GREB1: variants seen among roughly 807,000 people sequenced by gnomAD.
GREB1 encodes the protein protein GREB1.
GREB1 carries 106 observed loss-of-function variants against 200.7 expected under a neutral mutation model. The ratio of observed to expected loss-of-function variants is 0.53; its 90% CI spans 0.45 to 0.62. The LOEUF (loss-of-function observed/expected upper bound fraction) is 0.62, where lower values mean the gene tolerates loss of function less well. Among genes scored for constraint, GREB1 ranks in the 20% least tolerant of loss-of-function variants. The pLI, the probability that GREB1 is intolerant of heterozygous loss-of-function variation, is 0.00. For missense variants in GREB1, 2,243 were observed against 2,556.8 expected (o/e 0.88, Z 2.65); for synonymous variants, 1,132 against 1,092.4 (o/e 1.04, Z -0.72).
At chr2:11,555,362 G>C (rs547908740) in intron 1 of GREB1, among the ~76,000 whole-genome samples, 1 of 152,274 alleles carries the variant, frequency 6.6e-6, no homozygotes, top group South Asian at 2.1e-4. Flanking sequence ...CTCAATGGAA[G>C]CAGCCATTAA....
chr2:11,575,617 G>A (rs1352870563), intron 4 of GREB1, among the ~76,000 whole-genome samples: 1 of 152,138 alleles, frequency 6.6e-6, no homozygotes, highest in East Asian at 1.9e-4. Context: ...GCTAAGCCAC[G>A]GAATTCACTC....
chr2:11,578,531 A>G, intron 6 of GREB1, 100 bp downstream of exon 6: 1 of 1,244,756 alleles, frequency 8.0e-7, no homozygotes, highest in South Asian at 1.5e-5. Flanking sequence ...TTCAAAATAA[A>G]TCAGGGGGCT....
At chr2:11,575,310 A>G (rs1366884097) in intron 4 of GREB1, among the ~76,000 whole-genome samples, 1 of 152,274 alleles carries the variant, frequency 6.6e-6, no homozygotes, top group Non-Finnish European at 1.5e-5. Context: ...CGTTTAAATA[A>G]GAGCAGTCAG....
At chr2:11,540,918 G>A (rs746066311) in intron 1 of GREB1, among the ~76,000 whole-genome samples, 42 of 152,238 alleles carry the variant, frequency 2.8e-4, no homozygotes, top group Non-Finnish European at 5.0e-4. Flanking sequence ...ACGCAGTCCG[G>A]AGAGTGTTGC....
intron 29 of GREB1, 53 bp from the exon 30 acceptor site, chr2:11,635,217 G>A (rs1327444852): frequency 1.9e-5 from 31 of 1,609,106 alleles, no homozygotes; most frequent in Admixed American, 8.4e-5. Flanking sequence ...GGGCAGTGAC[G>A]GAGGGTGTGA....
chr2:11,630,768 C>T lies in GREB1; in HGVS notation c.4611+659C>T, dbSNP rs143906238. ...TATCTTTTGAAGAGGTCGTTCTGAA[C>T]GTTCCATTGTCTCTCACCATTCTTA... On this transcript the variant is annotated intron_variant, in intron 26 of 32. Coordinates refer to ENST00000381486, the MANE Select transcript of GREB1 (RefSeq NM_014668.4). 5.9e-3 allele frequency among the ~76,000 whole-genome samples: 891 copies of T among 152,280 alleles called. 10 individuals are homozygous for T. Among genetic ancestry groups the T allele is most frequent in the African/African-American group, 0.02 (844 of 41,550 alleles).
intron 10 of GREB1, 55 bp from the exon 11 acceptor site, chr2:11,592,721 G>A (rs1680857717): frequency 1.7e-6 from 2 of 1,196,626 alleles, no homozygotes; most frequent in Non-Finnish European, 1.1e-6. Flanking sequence ...GCACCCGTGC[G>A]TCCCCGGATG....
chr2:11,547,577 A>ATCATC (rs1464052167), intron 1 of GREB1, among the ~76,000 whole-genome samples: 1 of 152,162 alleles, frequency 6.6e-6, no homozygotes, highest in Non-Finnish European at 1.5e-5. Context: ...TTAAAATGTA[A>ATCATC]TCATCGTTTT....
At chr2:11,615,009 G>A (rs537469113) in intron 19 of GREB1, 82 bp from the exon 20 acceptor site, 17 of 1,068,042 alleles carry the variant, frequency 1.6e-5, no homozygotes, top group South Asian at 7.8e-5. Flanking sequence ...GTGTGGTCCC[G>A]ATCAGTGCTG....
chr2:11,586,246 C>T (rs1160820382), intron 9 of GREB1, among the ~76,000 whole-genome samples: 1 of 152,178 alleles, frequency 6.6e-6, no homozygotes, highest in African/African-American at 2.4e-5. Flanking sequence ...TGCTGAGTGC[C>T]GAAGATTAGG....
intron 6 of GREB1, among the ~76,000 whole-genome samples, chr2:11,579,426 A>C (rs1679231799): frequency 6.6e-6 from 1 of 151,782 alleles, no homozygotes; most frequent in Non-Finnish European, 1.5e-5. Context: ...TCTAATTTGT[A>C]GGGCAATTGT....
chr2:11,574,501 G>T (rs565497094), intron 4 of GREB1, among the ~76,000 whole-genome samples: 2 of 152,288 alleles, frequency 1.3e-5, no homozygotes, highest in African/African-American at 4.8e-5. Flanking sequence ...GGCAGTGGGA[G>T]CGGGCTGGGT....
intron 9 of GREB1, 174 bp from the exon 10 acceptor site, chr2:11,588,571 TC>T: frequency 1.4e-6 from 1 of 692,202 alleles, no homozygotes; most frequent in East Asian, 2.7e-5. Context: ...CATCCTAGGC[TC>T]CAGGAGGGTG....
chr2:11,583,399 T>C (rs1199458616), intron 7 of GREB1, among the ~76,000 whole-genome samples: 1 of 152,252 alleles, frequency 6.6e-6, no homozygotes, highest in Non-Finnish European at 1.5e-5. Context: ...CAGTGGTTGT[T>C]GGGAGGGCCA....
chr2:11,517,751 A>G (rs1213389269), intron 1 of GREB1, among the ~76,000 whole-genome samples: 1 of 152,112 alleles, frequency 6.6e-6, no homozygotes, highest in Admixed American at 6.5e-5. Flanking sequence ...TCCCGGGTTC[A>G]TGCCATTCTC....
At chr2:11,634,947 C>T (rs1162563331) in intron 29 of GREB1, among the ~76,000 whole-genome samples, 1 of 152,194 alleles carries the variant, frequency 6.6e-6, no homozygotes. Context: ...TCTTTTTCAC[C>T]GATGCGTGAG....
chr2:11,508,095 T>TTTC (rs961971363), intron 1 of GREB1, among the ~76,000 whole-genome samples: 4 of 152,190 alleles, frequency 2.6e-5, no homozygotes, highest in Non-Finnish European at 5.9e-5. Flanking sequence ...AGAGGTTTGC[T>TTTC]TTCTTCTTCT....
intron 4 of GREB1, among the ~76,000 whole-genome samples, chr2:11,575,995 C>T (rs2148032621): frequency 6.6e-6 from 1 of 152,328 alleles, no homozygotes; most frequent in East Asian, 1.9e-4. Context: ...GCCGTCTTCA[C>T]CTCTGGGCTA....
In GREB1 at chr2:11,610,976, C is replaced by T; in HGVS notation, c.2955C>T (p.Gly985=). The T allele has an allele frequency of 6.2e-7, 1 of 1,607,670 alleles. No homozygotes were observed. Residue 985 remains glycine (G), a synonymous_variant, in exon 18 of 33, where the codon GGC becomes GGT. Coordinates refer to ENST00000381486, the MANE Select transcript of GREB1 (RefSeq NM_014668.4). ...ALEEHFEIIL[G]SPSSGVTVGK... is the part of the protein sequence containing the mutation. Reference sequence around the variant, plus strand: ...AGGAGCACTTTGAGATCATCCTGGGCAGTCCCAGCTCAGGCGTCACCGTGG... The same window carrying T: ...AGGAGCACTTTGAGATCATCCTGGGTAGTCCCAGCTCAGGCGTCACCGTGG...
Sources: gnomAD v4.1 joint callset for allele counts (sites outside exome capture counted in the v4.1 genomes callset) on GRCh38, gnomAD v4.1.1 for gene constraint, MANE v1.5 for transcripts, NCBI Gene and HGNC (gene_info 2026-07-23, HGNC 2026-07-21) for gene names.